TIGIT: variants seen among roughly 807,000 people sequenced by gnomAD.
TIGIT encodes the protein T cell immunoreceptor with Ig and ITIM domains.
Under a neutral mutation model 19.6 loss-of-function variants are expected in TIGIT, and 11 were observed. That is an observed-to-expected ratio of 0.56 (90% CI 0.35 to 0.93). The LOEUF is 0.93. Among genes scored for constraint, TIGIT ranks in the 40% least tolerant of loss-of-function variants. The pLI is 0.01. For missense variants in TIGIT, 295 were observed against 303.9 expected (o/e 0.97, Z 0.22); for synonymous variants, 130 against 125.5 (o/e 1.04, Z -0.24).
At chr3:114,301,649 G>A (rs2693050) in intron 3 of TIGIT, among the ~76,000 whole-genome samples, 102 of 152,282 alleles carry the variant, frequency 6.7e-4, no homozygotes, top group African/African-American at 2.4e-3. Context: ...TTTTCATTCT[G>A]GGCACCTGGA....
chr3:114,306,204 C>A (rs770602073), intron 3 of TIGIT, among the ~76,000 whole-genome samples: 1 of 152,136 alleles, frequency 6.6e-6, no homozygotes, highest in Non-Finnish European at 1.5e-5. Flanking sequence ...AGAGAAAGTA[C>A]AATTTTGCCT....
At position 114,308,218 on chromosome 3, in the gene TIGIT, CGTGTGT is replaced by C. The variant is rs35641088; in HGVS notation, c.*100_*105del. 1.9e-5 allele frequency: 16 copies of C among 826,600 alleles called. No individual in the cohort carries two copies. The highest frequency in any genetic ancestry group is 2.8e-5 in the Non-Finnish European group (14 of 499,082). The allele number at this position is 826,600 out of a possible 1,614,324, so 51.2% of individuals were successfully genotyped here. ...GCAGCTGTACTCTCCATCAGTGCTG[CGTGTGT>C]GTGTGTGTGTGTATGTGTGTGTGTG... On this transcript the variant is annotated 3_prime_UTR_variant, in exon 4 of 4. Coordinates refer to ENST00000383671, the MANE Select transcript of TIGIT (RefSeq NM_173799.4).
chr3:114,307,080 G>A (rs186276524), intron 3 of TIGIT, among the ~76,000 whole-genome samples: 56 of 152,318 alleles, frequency 3.7e-4, no homozygotes, highest in African/African-American at 8.7e-4. Flanking sequence ...AAAATTGGAT[G>A]AAGTTTTACA....
rs1259658085 is a variant in TIGIT at position 114,294,041 on chromosome 3, G to A, written c.-21G>A. 1.9e-6 allele frequency: 3 copies of A among 1,546,728 alleles called. No individual in the cohort carries two copies. The highest frequency in any genetic ancestry group is 2.0e-5 in the Admixed American group (1 of 51,004). The stretch of plus-strand genomic sequence containing the variant: ...GCAGAAGAGGCCACATCTGCTTCCT[G>A]TAGGCCCTCTGGGCAGAAGCATGCG... On this transcript the variant is annotated 5_prime_UTR_variant, in exon 1 of 4. Transcript: ENST00000383671.
chr3:114,308,613 G>A lies in TIGIT; in HGVS notation c.*482G>A, dbSNP rs2078551541. The A allele has an allele frequency of 6.5e-6, 1 of 153,606 alleles. No individual in the cohort carries two copies. The highest frequency in any genetic ancestry group is 6.5e-5 in the Admixed American group (1 of 15,454). 9.5% of individuals were successfully genotyped at this position (153,606 alleles called of 1,614,324 possible). A position where few individuals can be genotyped will look rare whatever the true frequency, so the allele number is the denominator to read the frequency against. ...GGTAGCAGCCTCTATGGGGAGATTT[G>A]AGAGTGACTAAATCTTGGTATCTGC... On this transcript the variant is annotated 3_prime_UTR_variant, in exon 4 of 4. Transcript: ENST00000383671.
intron 3 of TIGIT, among the ~76,000 whole-genome samples, chr3:114,304,515 G>A (rs371242212): frequency 2.7e-4 from 41 of 152,250 alleles, no homozygotes; most frequent in Non-Finnish European, 4.6e-4. Flanking sequence ...CAATATTGAC[G>A]CATTATCCCT....
At position 114,308,064 on chromosome 3, in the gene TIGIT, A is replaced by G. The variant is rs11715493; in HGVS notation, c.668A>G (p.His223Arg). Residue 223 changes from histidine (H) to arginine (R), a missense_variant, in exon 4 of 4, where the codon CAT (histidine) becomes CGT (arginine). Transcript: ENST00000383671. Reference sequence around the variant, plus strand: ...CGGGGAGAGGACTGTGCCGAGCTGCATGACTACTTCAATGTCCTGAGTTAC... The same window carrying G: ...CGGGGAGAGGACTGTGCCGAGCTGCGTGACTACTTCAATGTCCTGAGTTAC... ...EQRGEDCAEL[H>R]DYFNVLSYRS... The G allele has an allele frequency of 4.4e-5, 71 of 1,614,106 alleles. No individual in the cohort carries two copies. The highest frequency in any genetic ancestry group is 1.3e-4 in the Admixed American group (8 of 60,010).
At chr3:114,297,191 A>T (rs997138855) in intron 2 of TIGIT, among the ~76,000 whole-genome samples, 9 of 152,110 alleles carry the variant, frequency 5.9e-5, no homozygotes, top group Non-Finnish European at 8.8e-5. Context: ...ACATAGGCCA[A>T]ACAAAGACTG....
intron 2 of TIGIT, among the ~76,000 whole-genome samples, chr3:114,296,215 A>C (rs757194324): frequency 6.6e-6 from 1 of 152,260 alleles, no homozygotes; most frequent in African/African-American, 2.4e-5. Context: ...TTATTGGTTT[A>C]GTATAATTGT....
intron 2 of TIGIT, among the ~76,000 whole-genome samples, chr3:114,296,940 G>C (rs1576136610): frequency 6.9e-6 from 1 of 145,288 alleles, no homozygotes; most frequent in African/African-American, 2.6e-5. Flanking sequence ...TGTTGCCCAG[G>C]CTGGAGTGCA....
intron 2 of TIGIT, among the ~76,000 whole-genome samples, chr3:114,296,428 AGCACCATG>A (rs2078454210): frequency 6.6e-6 from 1 of 152,248 alleles, no homozygotes; most frequent in African/African-American, 2.4e-5. Context: ...GAGACAGTAT[AGCACCATG>A]GTTAAAAGCT....
intron 3 of TIGIT, among the ~76,000 whole-genome samples, chr3:114,304,006 A>G (rs913238127): frequency 6.6e-6 from 1 of 152,130 alleles, no homozygotes; most frequent in Non-Finnish European, 1.5e-5. Flanking sequence ...CCTGATAATT[A>G]GTGATGTTGA....
intron 3 of TIGIT, among the ~76,000 whole-genome samples, chr3:114,305,904 A>AGATAGATAGATT: frequency 6.6e-6 from 1 of 151,578 alleles, no homozygotes; most frequent in Middle Eastern, 3.4e-3. Context: ...ATAGATAGAT[A>AGATAGATAGATT]GATGAGGAGG....
intron 1 of TIGIT, chr3:114,294,967 A>C (rs2078443495): frequency 6.4e-6 from 1 of 155,258 alleles, no homozygotes; most frequent in Admixed American, 6.2e-5. Context: ...TTATATTCTA[A>C]GTGGGTAGAC....
At chr3:114,298,873 A>T (rs186659153) in intron 2 of TIGIT, among the ~76,000 whole-genome samples, 1 of 152,320 alleles carries the variant, frequency 6.6e-6, no homozygotes, top group East Asian at 1.9e-4. Flanking sequence ...CGCAGCATGC[A>T]TGGGGGTGAT....
At position 114,308,275 on chromosome 3, in the gene TIGIT, C is replaced by T. The variant is rs560196501; in HGVS notation, c.*144C>T. 5 of 688,352 alleles carry T rather than the reference C, an allele frequency of 7.3e-6. No individual in the cohort carries two copies. The highest frequency in any genetic ancestry group is 1.3e-5 in the Non-Finnish European group (5 of 396,780). The allele number at this position is 688,352 out of a possible 1,614,324, so 42.6% of individuals were successfully genotyped here. A position where few individuals can be genotyped will look rare whatever the true frequency, so the allele number is the denominator to read the frequency against. ...TTCAGTTGAGTGAATAAATGTCATC[C>T]TCTTCTCCATCTTCATTTCCTTGGC... On this transcript the variant is annotated 3_prime_UTR_variant, in exon 4 of 4. Coordinates refer to ENST00000383671, the MANE Select transcript of TIGIT (RefSeq NM_173799.4).
Position 114,308,269 on chromosome 3 carries a change from GTCA to G in TIGIT, c.*141_*143del. On this transcript the variant is annotated 3_prime_UTR_variant, in exon 4 of 4. Coordinates refer to ENST00000383671, the MANE Select transcript of TIGIT (RefSeq NM_173799.4). ...TGTGTGTTCAGTTGAGTGAATAAAT[GTCA>G]TCCTCTTCTCCATCTTCATTTCCTT... 1 of 701,752 alleles carries G rather than the reference GTCA, an allele frequency of 1.4e-6. No individual in the cohort carries two copies. The highest frequency in any genetic ancestry group is 2.5e-6 in the Non-Finnish European group (1 of 406,104). The allele number at this position is 701,752 out of a possible 1,614,324, so 43.5% of individuals were successfully genotyped here. A position where few individuals can be genotyped will look rare whatever the true frequency, so the allele number is the denominator to read the frequency against.
At chr3:114,299,544 A>G in intron 2 of TIGIT, 53 bp from the exon 3 acceptor site, 2 of 1,409,446 alleles carry the variant, frequency 1.4e-6, no homozygotes, top group Non-Finnish European at 1.0e-6. Context: ...CCCTGGGGAA[A>G]TCAGCTTCAC....
intron 3 of TIGIT, among the ~76,000 whole-genome samples, chr3:114,304,450 G>A (rs2078517808): frequency 1.3e-5 from 2 of 152,134 alleles, no homozygotes; most frequent in Admixed American, 6.5e-5. Context: ...ATTGACAGCA[G>A]TATATCAGAA....
Sources: gnomAD v4.1 joint callset for allele counts (sites outside exome capture counted in the v4.1 genomes callset) on GRCh38, gnomAD v4.1.1 for gene constraint, MANE v1.5 for transcripts, NCBI Gene and HGNC (gene_info 2026-07-23, HGNC 2026-07-21) for gene names.